Variants in LRGUK observed in about 807,000 individuals in gnomAD.
LRGUK encodes the protein leucine-rich repeat and guanylate kinase domain-containing protein.
In LRGUK, 65 loss-of-function variants were observed where a neutral mutation model predicts 76.0. The ratio of observed to expected loss-of-function variants is 0.85; its 90% CI spans 0.70 to 1.05. The LOEUF is 1.05. Ranked by LOEUF, LRGUK falls within the 50% of genes least tolerant of loss-of-function variation. The pLI, the probability that LRGUK is intolerant of heterozygous loss-of-function variation, is 0.00. For missense variants in LRGUK, 758 were observed against 732.8 expected, an observed-to-expected ratio of 1.03 and a Z score of -0.40; for synonymous variants, 268 against 265.6, an observed-to-expected ratio of 1.01 and a Z score of -0.09.
chr7:134,171,482 G>GT (rs1028273653), intron 7 of LRGUK, among the ~76,000 whole-genome samples: 3 of 151,108 alleles, frequency 2.0e-5, no homozygotes, highest in Non-Finnish European at 3.0e-5. Flanking sequence ...ACATATATAA[G>GT]TTTTTTTTTA....
At chr7:134,148,202 T>C in intron 4 of LRGUK, 36 bp from the exon 5 acceptor site, 1 of 1,304,902 alleles carries the variant, frequency 7.7e-7, no homozygotes, top group Non-Finnish European at 1.1e-6. Context: ...AAAAATGAAA[T>C]ATTAATATAA....
rs565695620 is a variant in LRGUK, at chr7:134,134,865, C to T, written c.298-2158C>T. Among the ~76,000 whole-genome samples, 10 of 152,276 alleles carry T rather than the reference C, an allele frequency of 6.6e-5. 2 individuals carry two copies. Among genetic ancestry groups the T allele is most frequent in the African/African-American group, 1.9e-4 (8 of 41,548 alleles). On this transcript the variant is annotated intron_variant, in intron 1 of 15. Coordinates refer to ENST00000645682, the Ensembl canonical transcript of LRGUK. ...TTCATCAATTAGTAGTAACAGAAAT[C>T]GTCATCTATTGGGAACACTACGTTG...
At chr7:134,172,228 C>T (rs765721990) in intron 7 of LRGUK, among the ~76,000 whole-genome samples, 1 of 152,142 alleles carries the variant, frequency 6.6e-6, no homozygotes, top group Non-Finnish European at 1.5e-5. Context: ...CATTTAATTA[C>T]AGGATCATGG....
chr7:134,180,286 CTCTGTCCA>C (rs1799682475), intron 10 of LRGUK, among the ~76,000 whole-genome samples: 3 of 109,672 alleles, frequency 2.7e-5, no homozygotes, highest in African/African-American at 1.1e-4. Context: ...TCATCAATTC[CTCTGTCCA>C]TCCATCCATC....
At position 134,263,209 on chromosome 7, in the gene LRGUK, C is replaced by G. The variant is rs531344947; in HGVS notation, c.2348-636C>G. Among the ~76,000 whole-genome samples, 3 of 152,282 alleles carry G rather than the reference C, an allele frequency of 2.0e-5. No homozygotes were observed. The South Asian group carries it at 6.2e-4, about 32-fold the overall frequency. On this transcript the variant is annotated intron_variant, in intron 19 of 19. Coordinates refer to the LRGUK transcript ENST00000285928. The stretch of plus-strand genomic sequence containing the variant: ...TGCTTTACTTTCTCAATCCCTGCTA[C>G]TCTGCTTTCTTACCAGTGAGAATTC...
rs79935826 is a variant in LRGUK at position 134,233,829 on chromosome 7, T to A, written c.1983+11911T>A. On this transcript the variant is annotated intron_variant, in intron 16 of 19. Coordinates refer to the LRGUK transcript ENST00000285928. ...TTTCCAGTATCTTTGCCCTCTGCTC[T>A]TCGTGTCTAATTTGAACTCAGGATC... 1.9e-3 allele frequency among the ~76,000 whole-genome samples: 287 copies of A among 152,316 alleles called. 4 individuals carry two copies. Among genetic ancestry groups the A allele is most frequent in the Admixed American group, 0.014 (211 of 15,300 alleles).
At chr7:134,248,054 T>A (rs1802353640) in intron 17 of LRGUK, among the ~76,000 whole-genome samples, 1 of 152,248 alleles carries the variant, frequency 6.6e-6, no homozygotes, top group Non-Finnish European at 1.5e-5. Flanking sequence ...TGTTCACTTG[T>A]TTGCTGCCAT....
chr7:134,235,770 G>C (rs1358620028), intron 16 of LRGUK, among the ~76,000 whole-genome samples: 1 of 152,096 alleles, frequency 6.6e-6, no homozygotes, highest in East Asian at 1.9e-4. Flanking sequence ...TTAGAGCACT[G>C]TCATGTGGGC....
At chr7:134,129,445 C>T (rs1393440023) in intron 1 of LRGUK, among the ~76,000 whole-genome samples, 3 of 77,446 alleles carry the variant, frequency 3.9e-5, no homozygotes, top group Non-Finnish European at 7.7e-5. Context: ...CCCTCCCTTC[C>T]GTCCCTCCCC....
chr7:134,200,016 A>C lies in LRGUK; in HGVS notation c.1747+595A>C, dbSNP rs1800696168. Among the ~76,000 whole-genome samples the C allele has an allele frequency of 1.5e-5, 2 of 131,082 alleles. 1 individual carries two copies. Among genetic ancestry groups the C allele is most frequent in the African/African-American group, 5.7e-5 (2 of 35,396 alleles). 86.0% of individuals were successfully genotyped at this position (131,082 alleles called of 152,430 possible). A position where few individuals can be genotyped will look rare whatever the true frequency, so the allele number is the denominator to read the frequency against. ...TATATATATATATATATATATATAT[A>C]TATATATATATATGTATAATTTTTT... On this transcript the variant is annotated intron_variant, in intron 14 of 15. Transcript: ENST00000645682.
chr7:134,275,594 T>G, the LRGUK span, among the ~76,000 whole-genome samples: 2 of 152,200 alleles, frequency 1.3e-5, no homozygotes, highest in African/African-American at 2.4e-5. Flanking sequence ...TTAGATGTTA[T>G]TTCTAGTGCC....
downstream of LRGUK, among the ~76,000 whole-genome samples, chr7:134,265,847 C>T (rs115769386): frequency 4.6e-5 from 7 of 152,294 alleles, no homozygotes; most frequent in African/African-American, 1.7e-4. Context: ...CTCCTTCCCA[C>T]TGGAGAGTAT....
exon 9 of LRGUK, chr7:134,177,011 T>C: frequency 6.2e-7 from 1 of 1,603,944 alleles, no homozygotes; most frequent in Non-Finnish European, 8.5e-7. Flanking sequence ...GTAATTTTTA[T>C]GCTTCTGCGA....
chr7:134,225,651 G>A (rs988072423), intron 16 of LRGUK, among the ~76,000 whole-genome samples: 4 of 152,198 alleles, frequency 2.6e-5, no homozygotes, highest in African/African-American at 9.7e-5. Context: ...AATTGCTCTT[G>A]TCATATATGT....
downstream of LRGUK, among the ~76,000 whole-genome samples, chr7:134,266,001 A>C (rs1290503428): frequency 6.6e-6 from 1 of 152,116 alleles, no homozygotes. Flanking sequence ...TGGGGACCCT[A>C]AACTTCTACC....
At chr7:134,251,044 G>A (rs1802430936) in intron 18 of LRGUK, among the ~76,000 whole-genome samples, 1 of 152,058 alleles carries the variant, frequency 6.6e-6, no homozygotes, top group Non-Finnish European at 1.5e-5. Flanking sequence ...TTTTTGATGT[G>A]TGTCTTATAT....
chr7:134,196,956 T>A (rs1488987911), intron 12 of LRGUK, 36 bp from the exon 13 acceptor site: 2 of 1,093,422 alleles, frequency 1.8e-6, no homozygotes, highest in East Asian at 4.7e-5. Context: ...TGATGGCTGC[T>A]GTTATATGAA....
At chr7:134,249,174 G>T (rs1257560136) in intron 18 of LRGUK, 98 bp downstream of exon 18, 3 of 1,312,956 alleles carry the variant, frequency 2.3e-6, no homozygotes, top group Non-Finnish European at 2.0e-6. Context: ...TCCTAAAACT[G>T]GGAAGCAGGG....
chr7:134,199,708 A>G (rs1175894331), intron 14 of LRGUK, among the ~76,000 whole-genome samples: 3 of 151,954 alleles, frequency 2.0e-5, no homozygotes, highest in African/African-American at 7.2e-5. Context: ...TAAATTATAT[A>G]TAATTTGAAA....
Sources: gnomAD v4.1 joint callset for allele counts (sites outside exome capture counted in the v4.1 genomes callset) on GRCh38, gnomAD v4.1.1 for gene constraint, MANE v1.5 for transcripts, NCBI Gene and HGNC (gene_info 2026-07-23, HGNC 2026-07-21) for gene names.